The following LRRK1 variants were observed in gnomAD, a reference collection of about 807,000 sequenced individuals.
LRRK1 encodes leucine rich repeat kinase 1, also known as leucine-rich repeat serine/threonine-protein kinase 1.
A neutral mutation model predicts 209.1 loss-of-function variants in LRRK1; 113 were observed. The ratio of observed to expected loss-of-function variants is 0.54; its 90% CI spans 0.46 to 0.63. The LOEUF (loss-of-function observed/expected upper bound fraction) is 0.63. Among genes scored for constraint, LRRK1 ranks in the 30% least tolerant of loss-of-function variants. The pLI is 0.00. For synonymous variants in LRRK1, 1,144 were observed against 1,099.7 expected, an observed-to-expected ratio of 1.04 and a Z score of -0.80; for missense variants, 2,284 against 2,632.2, an observed-to-expected ratio of 0.87 and a Z score of 2.89.
chr15:101,069,044 G>T lies in LRRK1; in HGVS notation c.*196G>T. 1 of 506,016 alleles carries T rather than the reference G, an allele frequency of 2.0e-6. No individual in the cohort carries two copies. Among genetic ancestry groups the T allele is most frequent in the South Asian group, 3.4e-5 (1 of 29,066 alleles). The allele number at this position is 506,016 out of a possible 1,614,324, so 31.3% of individuals were successfully genotyped here. ...GGGTTCTCTGGTTCTCTGGAGCAGAGTTCTCTGAATACCCCATCCCCCAAC... is the reference window on the plus strand; with the variant it reads ...GGGTTCTCTGGTTCTCTGGAGCAGATTTCTCTGAATACCCCATCCCCCAAC... On this transcript the variant is annotated 3_prime_UTR_variant, in exon 34 of 34. Transcript: ENST00000388948.
intron 2 of LRRK1, among the ~76,000 whole-genome samples, chr15:100,926,391 A>C (rs1296181741): frequency 6.6e-6 from 1 of 152,126 alleles, no homozygotes; most frequent in Non-Finnish European, 1.5e-5. Context: ...GGGTGGGGAC[A>C]GGGACCTTGG....
At chr15:101,066,877 C>A in intron 33 of LRRK1, 136 bp downstream of exon 33, 1 of 815,574 alleles carries the variant, frequency 1.2e-6, no homozygotes, top group Non-Finnish European at 2.0e-6. Flanking sequence ...GGCTGTAAGG[C>A]AAAGTGGAAA....
chr15:101,052,813 AC>A, intron 24 of LRRK1, 108 bp from the exon 25 acceptor site: 1 of 1,338,690 alleles, frequency 7.5e-7, no homozygotes, highest in Non-Finnish European at 1.0e-6. Context: ...GTCCAGCCTC[AC>A]AGATGGCTTT....
intron 2 of LRRK1, among the ~76,000 whole-genome samples, chr15:100,930,799 G>A (rs2042197982): frequency 6.6e-6 from 1 of 152,232 alleles, no homozygotes. Flanking sequence ...GCCTGAGTCA[G>A]ACTTTGAAGG....
At chr15:101,066,879 A>T (rs1261263923) in intron 33 of LRRK1, 138 bp downstream of exon 33, 3 of 790,276 alleles carry the variant, frequency 3.8e-6, no homozygotes, top group Non-Finnish European at 6.1e-6. Flanking sequence ...CTGTAAGGCA[A>T]AGTGGAAACA....
intron 6 of LRRK1, among the ~76,000 whole-genome samples, chr15:101,002,471 A>G (rs964544111): frequency 6.6e-6 from 1 of 152,206 alleles, no homozygotes; most frequent in Non-Finnish European, 1.5e-5. Flanking sequence ...ACCAACATGA[A>G]CACATTCTCC....
intron 26 of LRRK1, 148 bp downstream of exon 26, chr15:101,053,568 A>C: frequency 1.4e-6 from 1 of 701,720 alleles, no homozygotes; most frequent in Non-Finnish European, 2.3e-6. Flanking sequence ...CCTGGCTGCG[A>C]GGCCAGGCTC....
intron 6 of LRRK1, among the ~76,000 whole-genome samples, chr15:100,998,744 A>T (rs955095209): frequency 6.6e-6 from 1 of 151,594 alleles, no homozygotes; most frequent in Non-Finnish European, 1.5e-5. Context: ...GGATGAATGG[A>T]TAGAAGGATG....
intron 4 of LRRK1, among the ~76,000 whole-genome samples, chr15:100,984,127 C>G (rs985672675): frequency 5.9e-5 from 9 of 152,128 alleles, no homozygotes; most frequent in African/African-American, 2.2e-4. Flanking sequence ...CTAGTAACTT[C>G]TATTGAGATG....
At chr15:100,953,683 C>T (rs1010479310) in intron 2 of LRRK1, among the ~76,000 whole-genome samples, 1 of 152,008 alleles carries the variant, frequency 6.6e-6, no homozygotes, top group African/African-American at 2.4e-5. Context: ...ATTTCCTTTC[C>T]TTTGGGTAAA....
At chr15:101,009,435 A>G (rs1037771308) in intron 7 of LRRK1, among the ~76,000 whole-genome samples, 4 of 152,178 alleles carry the variant, frequency 2.6e-5, no homozygotes, top group Non-Finnish European at 4.4e-5. Context: ...AGGGCCTCAG[A>G]GAAAGGGTTA....
chr15:101,026,594 C>T (rs901736648), intron 17 of LRRK1, among the ~76,000 whole-genome samples: 11 of 152,334 alleles, frequency 7.2e-5, no homozygotes, highest in Admixed American at 2.0e-4. Flanking sequence ...GGCATCACGA[C>T]GTGTCCATAC....
rs999310469 is a variant in LRRK1, at chr15:101,010,456, T to G, written c.996T>G (p.Leu332=). 1.9e-6 allele frequency: 3 copies of G among 1,610,470 alleles called. No individual in the cohort carries two copies. Among genetic ancestry groups the G allele is most frequent in the African/African-American group, 2.7e-5 (2 of 74,812 alleles). Residue 332 remains leucine, a synonymous_variant, in exon 8 of 34, where the codon CTT becomes CTG. Coordinates refer to ENST00000388948, the MANE Select transcript of LRRK1 (RefSeq NM_024652.6). ...SSDEIICSRL[L]EIDISSNKLS... ...TCCTTCTTCTCCATCGCAGGCTACT[T>G]GAAATTGACATTTCCAGCAACAAGT... is the stretch of plus-strand genomic sequence containing the variant.
intron 2 of LRRK1, among the ~76,000 whole-genome samples, chr15:100,961,163 C>T (rs1459593214): frequency 1.3e-5 from 2 of 152,088 alleles, no homozygotes; most frequent in African/African-American, 2.4e-5. Flanking sequence ...GAGGTGGTGC[C>T]GGGCATCACA....
intron 2 of LRRK1, among the ~76,000 whole-genome samples, chr15:100,962,713 T>G (rs2030078727): frequency 6.8e-6 from 1 of 146,924 alleles, no homozygotes; most frequent in Non-Finnish European, 1.5e-5. Context: ...TTATCTATAT[T>G]CATAGACTCA....
At chr15:100,948,267 C>G (rs1233092528) in intron 2 of LRRK1, among the ~76,000 whole-genome samples, 1 of 152,214 alleles carries the variant, frequency 6.6e-6, no homozygotes, top group East Asian at 1.9e-4. Flanking sequence ...CCCTGCCTGC[C>G]CAGCACCAGG....
At chr15:100,986,670 C>T (rs981879264) in intron 4 of LRRK1, among the ~76,000 whole-genome samples, 2 of 152,348 alleles carry the variant, frequency 1.3e-5, no homozygotes, top group East Asian at 3.9e-4. Flanking sequence ...CTGGAGCCAA[C>T]ACAACCTGTA....
intron 2 of LRRK1, among the ~76,000 whole-genome samples, chr15:100,965,705 A>T (rs1193491940): frequency 6.6e-6 from 1 of 152,178 alleles, no homozygotes; most frequent in Non-Finnish European, 1.5e-5. Context: ...ACCTGAAAAA[A>T]AAAATCTCCC....
chr15:101,057,938 C>T, intron 28 of LRRK1, 52 bp from the exon 29 acceptor site: 1 of 1,600,548 alleles, frequency 6.2e-7, no homozygotes, highest in South Asian at 1.1e-5. Flanking sequence ...AGAACGGGCA[C>T]CAATCCGGTT....
Sources: allele counts gnomAD v4.1 joint callset (sites outside exome capture counted in the v4.1 genomes callset), GRCh38; gene constraint gnomAD v4.1.1; transcripts MANE v1.5; gene names NCBI Gene and HGNC (gene_info 2026-07-23, HGNC 2026-07-21).